Variants in DIPK2B observed in about 807,000 individuals in gnomAD.
The protein encoded by DIPK2B is UPF0672 protein CXorf36.
A neutral mutation model predicts 22.2 loss-of-function variants in DIPK2B; 15 were observed. The observed-to-expected ratio is 0.68, with a 90% CI of 0.45 to 1.04. The LOEUF (loss-of-function observed/expected upper bound fraction) is 1.04. Ranked by LOEUF, DIPK2B falls within the 50% of genes least tolerant of loss-of-function variation. DIPK2B has a pLI of 0.00. For synonymous variants in DIPK2B, 163 were observed against 153.2 expected (o/e 1.06, Z -0.47); for missense variants, 345 against 348.3 (o/e 0.99, Z 0.08).
At chrX:45,159,005 G>T (rs1406203647) in intron 2 of DIPK2B, among the ~76,000 whole-genome samples, 1 of 111,184 alleles carries the variant, frequency 9.0e-6, no homozygotes, top group African/African-American at 3.3e-5. Context: ...AATAGGCCCT[G>T]CCCTGCCCCC....
At chrX:45,152,357 C>CAAAAAAAAA (rs59835037) in intron 4 of DIPK2B, among the ~76,000 whole-genome samples, 1 of 100,709 alleles carries the variant, frequency 9.9e-6, no homozygotes, top group Non-Finnish European at 2.0e-5. Context: ...AAAGCCATCT[C>CAAAAAAAAA]AAAAAAAAAA....
chrX:45,197,142 C>A (rs1183060211), intron 1 of DIPK2B, among the ~76,000 whole-genome samples: 2 of 110,756 alleles, frequency 1.8e-5, no homozygotes, highest in Non-Finnish European at 3.8e-5. Context: ...TTCAACCAAA[C>A]AACTGAGAGT....
intron 4 of DIPK2B, among the ~76,000 whole-genome samples, chrX:45,152,621 C>T (rs753038103): frequency 1.8e-5 from 2 of 111,864 alleles, no homozygotes; most frequent in African/African-American, 6.5e-5. Context: ...GGACTGGTTT[C>T]ATTTGCGCCT....
At chrX:45,192,747 C>T (rs747830377) in intron 1 of DIPK2B, among the ~76,000 whole-genome samples, 2 of 111,776 alleles carry the variant, frequency 1.8e-5, no homozygotes, top group South Asian at 7.5e-4. Flanking sequence ...CCTGGCCAGT[C>T]CTTAATCCTC....
intron 3 of DIPK2B, 46 bp downstream of exon 3, chrX:45,157,669 C>T (rs962216121): frequency 1.1e-5 from 13 of 1,135,982 alleles, no homozygotes; most frequent in African/African-American, 1.8e-5. Flanking sequence ...TTCTGGGAGT[C>T]CAAGATTGAC....
intron 2 of DIPK2B, among the ~76,000 whole-genome samples, chrX:45,185,229 T>C (rs1258869535): frequency 1.8e-5 from 2 of 112,220 alleles, no homozygotes; most frequent in Non-Finnish European, 3.8e-5. Flanking sequence ...TGGACATGCA[T>C]AGAGGGACAG....
In DIPK2B at chrX:45,192,836, T is replaced by C. The variant is rs187825403; in HGVS notation, c.234-821A>G. Among the ~76,000 whole-genome samples the C allele has an allele frequency of 1.9e-4, 21 of 112,134 alleles. No individual in the cohort carries two copies. The East Asian group carries it at 3.4e-3, about 18-fold the overall frequency. On this transcript the variant is annotated intron_variant, in intron 1 of 4. Coordinates refer to ENST00000398000, the MANE Select transcript of DIPK2B (RefSeq NM_176819.4). ...CTCTGTTGCCCAGGCTGGAGTGCTA[T>C]GGCTCAATCTCAGCTCACTGGAATC...
chrX:45,161,837 G>A (rs2047024088), intron 2 of DIPK2B, among the ~76,000 whole-genome samples: 2 of 111,902 alleles, frequency 1.8e-5, no homozygotes, highest in Non-Finnish European at 3.8e-5. Context: ...AATATTGTTT[G>A]CTGAGGTGAT....
At chrX:45,178,272 G>C (rs772606624) in intron 2 of DIPK2B, among the ~76,000 whole-genome samples, 16 of 111,921 alleles carry the variant, frequency 1.4e-4, no homozygotes, top group Non-Finnish European at 2.8e-4. Context: ...AATAAAGCCG[G>C]ATTCTCAAAA....
At chrX:45,186,310 CTG>C (rs2047183480) in intron 2 of DIPK2B, among the ~76,000 whole-genome samples, 2 of 111,278 alleles carry the variant, frequency 1.8e-5, no homozygotes, top group Admixed American at 1.9e-4. Context: ...ACACAGCACT[CTG>C]AATACCTCCC....
intron 2 of DIPK2B, chrX:45,191,292 G>C (rs2047209650): frequency 8.5e-6 from 1 of 117,721 alleles, no homozygotes; most frequent in Admixed American, 9.1e-5. Flanking sequence ...CTTTACAGTG[G>C]GAGATAGAAG....
At chrX:45,167,842 G>A (rs376745547) in intron 2 of DIPK2B, among the ~76,000 whole-genome samples, 3 of 111,780 alleles carry the variant, frequency 2.7e-5, no homozygotes, top group African/African-American at 9.8e-5. Flanking sequence ...GTGCCACCAC[G>A]CCTGGCTAAG....
intron 2 of DIPK2B, chrX:45,162,817 C>T: frequency 1.3e-6 from 1 of 754,194 alleles, no homozygotes; most frequent in East Asian, 1.5e-4. Context: ...CCTTGGGAAG[C>T]CAGCCAACCA....
intron 2 of DIPK2B, among the ~76,000 whole-genome samples, chrX:45,168,526 T>A (rs1274373164): frequency 8.9e-6 from 1 of 112,488 alleles, no homozygotes; most frequent in Non-Finnish European, 1.9e-5. Flanking sequence ...GGTGACATCC[T>A]TTCCTTGGGC....
intron 1 of DIPK2B, among the ~76,000 whole-genome samples, chrX:45,197,676 GA>G (rs2047246678): frequency 8.9e-6 from 1 of 111,884 alleles, no homozygotes; most frequent in African/African-American, 3.2e-5. Context: ...CAATAAATCT[GA>G]AAAAGGGTTC....
intron 2 of DIPK2B, among the ~76,000 whole-genome samples, chrX:45,183,656 G>T (rs139661661): frequency 0.017 from 1,938 of 111,570 alleles, 44 homozygotes; most frequent in African/African-American, 0.06. Flanking sequence ...CTGGTAGTTT[G>T]ATTTTTAATC....
chrX:45,188,088 C>T (rs753372663), intron 2 of DIPK2B, among the ~76,000 whole-genome samples: 1 of 111,810 alleles, frequency 8.9e-6, no homozygotes, highest in East Asian at 2.8e-4. Flanking sequence ...ACCACGCATC[C>T]TATAATAGCT....
intron 3 of DIPK2B, 144 bp from the exon 4 acceptor site, chrX:45,154,342 ATATC>A: frequency 1.1e-5 from 6 of 540,799 alleles, no homozygotes; most frequent in Middle Eastern, 5.7e-4. Context: ...TCAATCATCT[ATATC>A]TATCATCTAT....
chrX:45,185,653 C>CTTTTTTTTTT (rs147218566), intron 2 of DIPK2B, among the ~76,000 whole-genome samples: 2 of 86,451 alleles, frequency 2.3e-5, no homozygotes, highest in Admixed American at 1.3e-4. Flanking sequence ...CTTTTCTTTT[C>CTTTTTTTTTT]TTTTTTTTTT....
Sources: allele counts gnomAD v4.1 joint callset (sites outside exome capture counted in the v4.1 genomes callset), GRCh38; gene constraint gnomAD v4.1.1; transcripts MANE v1.5; gene names NCBI Gene and HGNC (gene_info 2026-07-23, HGNC 2026-07-21).